Variants in MEGF6 observed in about 807,000 individuals in gnomAD.
MEGF6 encodes the protein multiple epidermal growth factor-like domains protein 6.
Under a neutral mutation model 207.1 loss-of-function variants are expected in MEGF6, and 184 were observed. That is an observed-to-expected ratio of 0.89 (90% CI 0.79 to 1.00). The LOEUF (loss-of-function observed/expected upper bound fraction) is 1.00. Ranked by LOEUF, MEGF6 falls within the 50% of genes least tolerant of loss-of-function variation. The pLI, the probability that MEGF6 is intolerant of heterozygous loss-of-function variation, is 0.00. For synonymous variants in MEGF6, 1,038 were observed against 910.0 expected, an observed-to-expected ratio of 1.14 and a Z score of -2.53; for missense variants, 2,282 against 2,202.9, an observed-to-expected ratio of 1.04 and a Z score of -0.72.
chr1:3,523,315 G>A (rs889231633), intron 5 of MEGF6, among the ~76,000 whole-genome samples: 3 of 152,178 alleles, frequency 2.0e-5, no homozygotes, highest in South Asian at 2.1e-4. Context: ...CAGGGGTGCC[G>A]AAGGGTGAGG....
Position 3,498,372 on chromosome 1 carries a change from G to T in MEGF6, c.3351C>A (p.Ser1117Arg). The change falls in exon 26 of 37, where the codon AGC (serine) becomes AGA (arginine). Residue 1117 changes from serine to arginine, a missense_variant and splice_region_variant. Transcript: ENST00000356575. Reference sequence around the variant, plus strand: ...CCCCTGCTGCCCCGCCCCACTCACGGCTCTGACACTTGTCCCCAGTCCAGC... The same window carrying T: ...CCCCTGCTGCCCCGCCCCACTCACGTCTCTGACACTTGTCCCCAGTCCAGC... ...PAGWTGDKCQ[S>R]PCLRGWFGEA... The T allele has an allele frequency of 1.2e-6, 2 of 1,601,316 alleles. No homozygotes were observed. The highest frequency in any genetic ancestry group is 8.5e-7 in the Non-Finnish European group (1 of 1,177,344).
At chr1:3,571,690 C>A (rs1643498317) in intron 4 of MEGF6, among the ~76,000 whole-genome samples, 1 of 138,348 alleles carries the variant, frequency 7.2e-6, no homozygotes, top group African/African-American at 3.2e-5. Context: ...CTGGTTCCTT[C>A]CTGGCGTGCT....
In MEGF6 at chr1:3,492,940, C is replaced by T. The variant is rs887361382; in HGVS notation, c.4388-173G>A. 28 of 778,288 alleles carry T rather than the reference C, an allele frequency of 3.6e-5. No individual in the cohort carries two copies. In the African/African-American group the frequency reaches 3.7e-4, roughly 10 times the overall value. 48.2% of individuals were successfully genotyped at this position (778,288 alleles called of 1,614,324 possible). A position where few individuals can be genotyped will look rare whatever the true frequency, so the allele number is the denominator to read the frequency against. ...CGGTTTCCCCTGAGGAGTAAACAGT[C>T]CCTGCCCTGCCTTCCTCAGCTACAT... On this transcript the variant is annotated intron_variant, in intron 34 of 36. Transcript: ENST00000356575.
At position 3,492,768 on chromosome 1, in the gene MEGF6, C is replaced by A; in HGVS notation, c.4388-1G>T. On this transcript the variant is annotated splice_acceptor_variant, in intron 34 of 36. Transcript: ENST00000356575. LOFTEE classifies it high-confidence loss of function. ...GGCCCAAACTGGCCCCTTCTGCAAT[C>A]TGCAAGGCGGAGGGGGCGGGAGACA... The A allele has an allele frequency of 1.9e-6, 3 of 1,608,920 alleles. No homozygotes were observed. Among genetic ancestry groups the A allele is most frequent in the Non-Finnish European group, 2.5e-6 (3 of 1,177,120 alleles).
rs375429961 is a variant in MEGF6 at position 3,525,124 on chromosome 1, A to G, written c.482-878T>C. Among the ~76,000 whole-genome samples the G allele has an allele frequency of 3.1e-4, 47 of 152,272 alleles. No individual in the cohort carries two copies. The East Asian group carries it at 4.5e-3, about 14-fold the overall frequency. On this transcript the variant is annotated intron_variant, in intron 4 of 36. Coordinates refer to ENST00000356575, the MANE Select transcript of MEGF6 (RefSeq NM_001409.4). ...GCTGGGGTCAGCCTGGGCCCCCCAC[A>G]CCCACAGGCTCCCCGTGCAAGGACC...
intron 3 of MEGF6, among the ~76,000 whole-genome samples, chr1:3,585,897 G>T (rs1379741674): frequency 7.0e-6 from 1 of 142,322 alleles, no homozygotes; most frequent in African/African-American, 2.6e-5. Context: ...CCTGTGTGTG[G>T]ACACGTCCTG....
chr1:3,505,958 T>C, intron 15 of MEGF6, 150 bp downstream of exon 15: 1 of 1,101,678 alleles, frequency 9.1e-7, no homozygotes, highest in Non-Finnish European at 1.3e-6. Flanking sequence ...GTCCACAGAC[T>C]CATGGCGGAC....
At chr1:3,584,572 T>C (rs1451713097) in intron 3 of MEGF6, among the ~76,000 whole-genome samples, 1 of 152,250 alleles carries the variant, frequency 6.6e-6, no homozygotes, top group African/African-American at 2.4e-5. Context: ...AGCATCACTC[T>C]GGACTCTGGT....
intron 1 of MEGF6, among the ~76,000 whole-genome samples, chr1:3,603,728 C>T (rs555026981): frequency 8.5e-5 from 13 of 152,106 alleles, no homozygotes; most frequent in African/African-American, 2.4e-4. Context: ...GGCTCGGTAC[C>T]GCCCTCCGCC....
intron 1 of MEGF6, among the ~76,000 whole-genome samples, chr1:3,610,471 T>TCCCCTC (rs1644309412): frequency 6.8e-6 from 1 of 146,492 alleles, no homozygotes; most frequent in South Asian, 2.2e-4. Flanking sequence ...CGCCAGCGAC[T>TCCCCTC]CCCCTCCTCC....
chr1:3,502,678 TGAG>T (rs1477570193), intron 17 of MEGF6, among the ~76,000 whole-genome samples: 7 of 152,110 alleles, frequency 4.6e-5, no homozygotes, highest in Admixed American at 2.6e-4. Context: ...ACGTGGGGGC[TGAG>T]GATTGGGACC....
At chr1:3,561,780 G>A (rs537686276) in intron 4 of MEGF6, among the ~76,000 whole-genome samples, 2 of 152,368 alleles carry the variant, frequency 1.3e-5, no homozygotes, top group East Asian at 1.9e-4. Context: ...ATCTGACTTC[G>A]CTCTCCTGAC....
chr1:3,600,340 C>T (rs1644138204), intron 2 of MEGF6, among the ~76,000 whole-genome samples: 1 of 152,168 alleles, frequency 6.6e-6, no homozygotes, highest in Admixed American at 6.5e-5. Context: ...CACCCAGAGC[C>T]CAGCTGGGAT....
intron 30 of MEGF6, 46 bp from the exon 31 acceptor site, chr1:3,494,787 G>A: frequency 1.3e-6 from 2 of 1,503,160 alleles, no homozygotes; most frequent in South Asian, 2.6e-5. Flanking sequence ...GCCGAGGGCT[G>A]GGCTCCCTCT....
chr1:3,512,299 G>A (rs900208446), intron 7 of MEGF6, among the ~76,000 whole-genome samples, 171 bp from the exon 8 acceptor site: 1 of 152,238 alleles, frequency 6.6e-6, no homozygotes, highest in South Asian at 2.1e-4. Flanking sequence ...AGCCCTGCAG[G>A]TCCCCTGGGA....
At chr1:3,547,375 C>T (rs1570110660) in intron 4 of MEGF6, among the ~76,000 whole-genome samples, 1 of 152,328 alleles carries the variant, frequency 6.6e-6, no homozygotes, top group East Asian at 1.9e-4. Flanking sequence ...TGTGGTGTGG[C>T]TCTCAGGAGC....
rs899428755 is a variant in MEGF6, at chr1:3,498,226, C to T, written c.3352+145G>A. ...AGACCCTCCCAACAGGGTCTTAGTGCTCCGACGGCAGCTCTTGCATTCACA... is the reference window on the plus strand; with the variant it reads ...AGACCCTCCCAACAGGGTCTTAGTGTTCCGACGGCAGCTCTTGCATTCACA... On this transcript the variant is annotated intron_variant, in intron 26 of 36. Transcript: ENST00000356575. 17 of 1,065,646 alleles carry T rather than the reference C, an allele frequency of 1.6e-5. No homozygotes were observed. In the South Asian group the frequency reaches 1.9e-4, roughly 12 times the overall value. 66.0% of individuals were successfully genotyped at this position (1,065,646 alleles called of 1,614,324 possible).
chr1:3,559,485 G>A (rs1043128214), intron 4 of MEGF6, among the ~76,000 whole-genome samples: 23 of 136,108 alleles, frequency 1.7e-4, no homozygotes, highest in African/African-American at 2.8e-4. Context: ...CTGTGCCACC[G>A]CACTCCAACC....
At chr1:3,579,463 C>T (rs894120506) in intron 4 of MEGF6, among the ~76,000 whole-genome samples, 3 of 152,314 alleles carry the variant, frequency 2.0e-5, no homozygotes, top group African/African-American at 2.4e-5. Flanking sequence ...CTGAGGACAA[C>T]GACAGTTCAG....
Sources: gnomAD v4.1 joint callset for allele counts (sites outside exome capture counted in the v4.1 genomes callset) on GRCh38, gnomAD v4.1.1 for gene constraint, MANE v1.5 for transcripts, NCBI Gene and HGNC (gene_info 2026-07-23, HGNC 2026-07-21) for gene names.